Variants in UNC119B observed in about 807,000 individuals in gnomAD.
UNC119B encodes protein unc-119 homolog B.
Under a neutral mutation model 23.4 loss-of-function variants are expected in UNC119B, and 16 were observed. The ratio of observed to expected loss-of-function variants is 0.68; its 90% CI spans 0.46 to 1.04. UNC119B has a LOEUF of 1.04. Ranked by LOEUF, UNC119B falls within the 50% of genes least tolerant of loss-of-function variation. The probability of loss-of-function intolerance (pLI) is 0.00; values close to 1 mark genes in which losing one functional copy is unlikely to be tolerated. For synonymous variants in UNC119B, 144 were observed against 145.4 expected (o/e 0.99, Z 0.07); for missense variants, 350 against 361.3 (o/e 0.97, Z 0.25).
chr12:120,716,781 TC>T (rs760351422), intron 3 of UNC119B, 42 bp downstream of exon 3: 3 of 1,607,588 alleles, frequency 1.9e-6, no homozygotes, highest in Non-Finnish European at 2.6e-6. Flanking sequence ...TTCTGTTTGT[TC>T]ACAGAGAAGA....
intron 2 of UNC119B, among the ~76,000 whole-genome samples, chr12:120,715,080 A>G (rs984783176): frequency 1.3e-5 from 2 of 152,090 alleles, no homozygotes; most frequent in African/African-American, 2.4e-5. Flanking sequence ...GGTCCCAGCT[A>G]CTCAGGAGGC....
At chr12:120,711,212 C>G (rs961668395) in intron 1 of UNC119B, 1 of 152,788 alleles carries the variant, frequency 6.5e-6, no homozygotes, top group Non-Finnish European at 1.5e-5. Flanking sequence ...GCAGCCTGCC[C>G]GGCCTCCCTC....
chr12:120,710,550 G>GAGA lies in UNC119B; in HGVS notation c.85_87dup (p.Lys29dup). 1 of 1,393,160 alleles carries GAGA rather than the reference G, an allele frequency of 7.2e-7. No homozygotes were observed. Among genetic ancestry groups the GAGA allele is most frequent in the Non-Finnish European group, 9.3e-7 (1 of 1,080,672 alleles). 86.3% of individuals were successfully genotyped at this position (1,393,160 alleles called of 1,614,324 possible). A position where few individuals can be genotyped will look rare whatever the true frequency, so the allele number is the denominator to read the frequency against. On this transcript the variant is annotated inframe_insertion, in exon 1 of 5. Coordinates refer to ENST00000344651, the MANE Select transcript of UNC119B (RefSeq NM_001080533.3). Reference sequence around the variant, plus strand: ...CGGGGGGCTGGTGGCTGGCAAGGAGGAGAAGAAGAAGGCGGGCGGCGGCGT... The same window carrying GAGA: ...CGGGGGGCTGGTGGCTGGCAAGGAGGAGAAGAAGAAGAAGGCGGGCGGCGGCGT...
chr12:120,723,547 A>G lies in UNC119B; in HGVS notation c.*3515A>G, dbSNP rs1037527175. 6.6e-6 allele frequency: 1 copy of G among 152,206 alleles called. No homozygotes were observed. The highest frequency in any genetic ancestry group is 2.4e-5 in the African/African-American group (1 of 41,406). The allele number at this position is 152,206 out of a possible 1,614,324, so 9.4% of individuals were successfully genotyped here. A position where few individuals can be genotyped will look rare whatever the true frequency, so the allele number is the denominator to read the frequency against. ...CCCCCAAAATCACATTCCAGTTTTTATTGTCTTTGTGTCCAAAGTAAACTA... is the reference window on the plus strand; with the variant it reads ...CCCCCAAAATCACATTCCAGTTTTTGTTGTCTTTGTGTCCAAAGTAAACTA... On this transcript the variant is annotated 3_prime_UTR_variant, in exon 5 of 5. Transcript: ENST00000344651.
At chr12:120,715,778 C>T (rs1381488765) in intron 2 of UNC119B, among the ~76,000 whole-genome samples, 1 of 152,134 alleles carries the variant, frequency 6.6e-6, no homozygotes, top group Non-Finnish European at 1.5e-5. Flanking sequence ...GGGGATCCGC[C>T]TACCTCGGCC....
At chr12:120,717,690 G>A (rs1226639749) in intron 4 of UNC119B, among the ~76,000 whole-genome samples, 1 of 151,266 alleles carries the variant, frequency 6.6e-6, no homozygotes, top group African/African-American at 2.4e-5. Context: ...AGCCTCTCGA[G>A]TAGCTGGGAT....
intron 2 of UNC119B, among the ~76,000 whole-genome samples, chr12:120,715,461 C>CCT (rs1431642647): frequency 6.7e-6 from 1 of 149,724 alleles, no homozygotes; most frequent in Non-Finnish European, 1.5e-5. Context: ...GAGAAAATAT[C>CCT]CTCACTGGAC....
rs1882644959 is a variant in UNC119B, at chr12:120,710,725, G to A, written c.244+7G>A. On this transcript the variant is annotated splice_region_variant and intron_variant, in intron 1 of 4. Coordinates refer to ENST00000344651, the MANE Select transcript of UNC119B (RefSeq NM_001080533.3). ...CTCAGCCGGGTCACCGAGAGTGAGT[G>A]CCGCGCGGGCCGCGCCCTCCCCTCG... 8.8e-6 allele frequency: 12 copies of A among 1,359,480 alleles called. No individual in the cohort carries two copies. The highest frequency in any genetic ancestry group is 1.1e-5 in the Non-Finnish European group (12 of 1,059,390). 84.2% of individuals were successfully genotyped at this position (1,359,480 alleles called of 1,614,324 possible). A position where few individuals can be genotyped will look rare whatever the true frequency, so the allele number is the denominator to read the frequency against.
At chr12:120,715,034 CA>C (rs1402616395) in intron 2 of UNC119B, among the ~76,000 whole-genome samples, 1 of 151,836 alleles carries the variant, frequency 6.6e-6, no homozygotes, top group Non-Finnish European at 1.5e-5. Flanking sequence ...ACAAAAAATA[CA>C]AAAAAATTAG....
chr12:120,712,860 T>C (rs1882697609), intron 1 of UNC119B, among the ~76,000 whole-genome samples: 1 of 152,260 alleles, frequency 6.6e-6, no homozygotes, highest in African/African-American at 2.4e-5. Context: ...TCGGCTTTCT[T>C]ACACTGACAG....
In UNC119B at chr12:120,720,387, G is replaced by A. The variant is rs947403752; in HGVS notation, c.*355G>A. Reference sequence around the variant, plus strand: ...TAGCTGTGCCTGGTGAGAAGGCTCTGGCCAGGCCCACCAGCAGGTCAGCAG... The same window carrying A: ...TAGCTGTGCCTGGTGAGAAGGCTCTAGCCAGGCCCACCAGCAGGTCAGCAG... On this transcript the variant is annotated 3_prime_UTR_variant, in exon 5 of 5. Coordinates refer to ENST00000344651, the MANE Select transcript of UNC119B (RefSeq NM_001080533.3). 16 of 194,392 alleles carry A rather than the reference G, an allele frequency of 8.2e-5. No homozygotes were observed. Among genetic ancestry groups the A allele is most frequent in the Non-Finnish European group, 3.1e-5 (3 of 95,418 alleles). 12.0% of individuals were successfully genotyped at this position (194,392 alleles called of 1,614,324 possible).
intron 1 of UNC119B, among the ~76,000 whole-genome samples, chr12:120,711,950 C>G (rs986652193): frequency 2.6e-5 from 4 of 152,216 alleles, no homozygotes; most frequent in East Asian, 1.9e-4. Flanking sequence ...TTTAGACATT[C>G]TTGTTAGTTT....
rs1427545586 is a variant in UNC119B, at chr12:120,722,953, A to G, written c.*2921A>G. On this transcript the variant is annotated 3_prime_UTR_variant, in exon 5 of 5. Coordinates refer to ENST00000344651, the MANE Select transcript of UNC119B (RefSeq NM_001080533.3). Reference sequence around the variant, plus strand: ...GATTTCCAATACATAGGGTGGAAGAATGTGATTTTGGGGCTGACCATAAAC... The same window carrying G: ...GATTTCCAATACATAGGGTGGAAGAGTGTGATTTTGGGGCTGACCATAAAC... 2 of 152,448 alleles carry G rather than the reference A, an allele frequency of 1.3e-5. No individual in the cohort carries two copies. The highest frequency in any genetic ancestry group is 2.9e-5 in the Non-Finnish European group (2 of 68,212). The allele number at this position is 152,448 out of a possible 1,614,324, so 9.4% of individuals were successfully genotyped here. A position where few individuals can be genotyped will look rare whatever the true frequency, so the allele number is the denominator to read the frequency against.
rs979665991 is a variant in UNC119B, at chr12:120,723,440, A to T, written c.*3408A>T. 2.0e-5 allele frequency: 3 copies of T among 152,452 alleles called. No homozygotes were observed. The highest frequency in any genetic ancestry group is 2.1e-4 in the South Asian group (1 of 4,822). The allele number at this position is 152,452 out of a possible 1,614,324, so 9.4% of individuals were successfully genotyped here. On this transcript the variant is annotated 3_prime_UTR_variant, in exon 5 of 5. Transcript: ENST00000344651. The stretch of plus-strand genomic sequence containing the variant: ...AAAGTCATTGAAGTTGTGAAAGTCT[A>T]TTTTTTTTCCTGTAAATCTATTTTT...
chr12:120,717,060 C>A lies in UNC119B; in HGVS notation c.643+18C>A. 6.5e-7 allele frequency: 1 copy of A among 1,548,842 alleles called. No individual in the cohort carries two copies. The highest frequency in any genetic ancestry group is 8.7e-7 in the Non-Finnish European group (1 of 1,147,186). ...GGATGTCAGTATGTATCCCCTGACC[C>A]TTACAGCACTCTAGATTCTGAGGGC... is the stretch of plus-strand genomic sequence containing the variant. On this transcript the variant is annotated intron_variant, in intron 4 of 4. Transcript: ENST00000344651.
At position 120,723,634 on chromosome 12, in the gene UNC119B, C is replaced by G. The variant is rs1304577489; in HGVS notation, c.*3602C>G. 1 of 152,020 alleles carries G rather than the reference C, an allele frequency of 6.6e-6. No individual in the cohort carries two copies. Among genetic ancestry groups the G allele is most frequent in the African/African-American group, 2.4e-5 (1 of 41,398 alleles). 9.4% of individuals were successfully genotyped at this position (152,020 alleles called of 1,614,324 possible). On this transcript the variant is annotated 3_prime_UTR_variant, in exon 5 of 5. Transcript: ENST00000344651. Reference sequence around the variant, plus strand: ...GAGACAGTAATAAAAGAAAGATTTTCACAGTACGTCTCCCTCGTCCTGTCT... The same window carrying G: ...GAGACAGTAATAAAAGAAAGATTTTGACAGTACGTCTCCCTCGTCCTGTCT...
chr12:120,721,411 G>C lies in UNC119B; in HGVS notation c.*1379G>C, dbSNP rs1300220341. ...CAGTAGAAGGATGTCACTAGGAAAG[G>C]CCCAGGTATCTGGTAAGTGACTGTG... On this transcript the variant is annotated 3_prime_UTR_variant, in exon 5 of 5. Coordinates refer to ENST00000344651, the MANE Select transcript of UNC119B (RefSeq NM_001080533.3). 1 of 152,308 alleles carries C rather than the reference G, an allele frequency of 6.6e-6. No individual in the cohort carries two copies. Among genetic ancestry groups the C allele is most frequent in the African/African-American group, 2.4e-5 (1 of 41,460 alleles). 9.4% of individuals were successfully genotyped at this position (152,308 alleles called of 1,614,324 possible).
intron 2 of UNC119B, among the ~76,000 whole-genome samples, chr12:120,714,181 C>A (rs769174415): frequency 6.6e-6 from 1 of 152,200 alleles, no homozygotes; most frequent in Non-Finnish European, 1.5e-5. Flanking sequence ...TGATTTGCTA[C>A]TTAGAGCCTG....
chr12:120,719,767 C>T (rs1882849938), intron 4 of UNC119B, among the ~76,000 whole-genome samples, 153 bp from the exon 5 acceptor site: 2 of 152,124 alleles, frequency 1.3e-5, no homozygotes, highest in Non-Finnish European at 2.9e-5. Flanking sequence ...AGGGCTGCCT[C>T]CCTCTGTTCT....
Sources: allele counts gnomAD v4.1 joint callset (sites outside exome capture counted in the v4.1 genomes callset), GRCh38; gene constraint gnomAD v4.1.1; transcripts MANE v1.5; gene names NCBI Gene and HGNC (gene_info 2026-07-23, HGNC 2026-07-21).